The following TCF4 variants were observed in gnomAD, a reference collection of about 807,000 sequenced individuals.
The protein encoded by TCF4 is SL3-3 enhancer factor 2.
TCF4 carries 3 observed loss-of-function variants against 82.1 expected under a neutral mutation model. That is an observed-to-expected ratio of 0.04 (90% confidence interval 0.02 to 0.09). The LOEUF is 0.09. Among genes scored for constraint, TCF4 ranks in the 10% least tolerant of loss-of-function variants. The probability of loss-of-function intolerance (pLI) is 1.00; values close to 1 mark genes in which losing one functional copy is unlikely to be tolerated. For missense variants in TCF4, 518 were observed against 852.7 expected (o/e 0.61, Z 4.89); for synonymous variants, 276 against 309.6 (o/e 0.89, Z 1.14).
At chr18:55,235,083 G>A (rs1309830349) in intron 15 of TCF4, among the ~76,000 whole-genome samples, 4 of 151,924 alleles carry the variant, frequency 2.6e-5, no homozygotes, top group Non-Finnish European at 4.4e-5. Flanking sequence ...AATCCTACAG[G>A]AATTTCAATT....
At chr18:55,388,828 A>C (rs540476748) in intron 6 of TCF4, among the ~76,000 whole-genome samples, 20 of 152,332 alleles carry the variant, frequency 1.3e-4, no homozygotes, top group African/African-American at 4.8e-4. Context: ...TGGATTAAAA[A>C]TAATCCCAGC....
intron 5 of TCF4, among the ~76,000 whole-genome samples, chr18:55,410,406 C>G (rs1200957271): frequency 2.0e-5 from 3 of 152,012 alleles, no homozygotes; most frequent in Non-Finnish European, 2.9e-5. Flanking sequence ...CACTTCAGGG[C>G]TCTGCCTAAG....
intron 5 of TCF4, among the ~76,000 whole-genome samples, chr18:55,415,879 C>T (rs1278171366): frequency 6.6e-6 from 1 of 152,150 alleles, no homozygotes; most frequent in Non-Finnish European, 1.5e-5. Context: ...TTACACTTAG[C>T]AAAGTCTCTT....
At chr18:55,273,483 G>A (rs192763194) in intron 10 of TCF4, among the ~76,000 whole-genome samples, 1 of 152,146 alleles carries the variant, frequency 6.6e-6, no homozygotes, top group Admixed American at 6.5e-5. Flanking sequence ...TATATTCAAA[G>A]TATTGTCAGT....
chr18:55,269,071 A>G (rs1342485682), intron 11 of TCF4: 2 of 152,256 alleles, frequency 1.3e-5, no homozygotes, highest in Non-Finnish European at 2.9e-5. Context: ...AGCCCAGTTC[A>G]TTCCTCAAAG....
chr18:55,609,320 C>T (rs767664002), intron 2 of TCF4, among the ~76,000 whole-genome samples: 7 of 152,088 alleles, frequency 4.6e-5, no homozygotes, highest in East Asian at 1.9e-4. Flanking sequence ...AAGACTCATA[C>T]GGGGGGCAGG....
At chr18:55,309,358 G>A (rs981015650) in intron 8 of TCF4, among the ~76,000 whole-genome samples, 2 of 151,794 alleles carry the variant, frequency 1.3e-5, no homozygotes, top group African/African-American at 4.8e-5. Flanking sequence ...CTGGGCTTAG[G>A]CAATCCTCCC....
At chr18:55,624,692 A>G (rs980191348) in intron 2 of TCF4, among the ~76,000 whole-genome samples, 2 of 151,934 alleles carry the variant, frequency 1.3e-5, no homozygotes, top group African/African-American at 4.8e-5. Flanking sequence ...GCAAGTTTCT[A>G]CATTCTGAAA....
At chr18:55,486,627 AG>A (rs1247951965) in intron 3 of TCF4, among the ~76,000 whole-genome samples, 1 of 152,164 alleles carries the variant, frequency 6.6e-6, no homozygotes, top group East Asian at 1.9e-4. Context: ...AAAGAAGACA[AG>A]AAGGAAATCA....
chr18:55,406,952 C>T (rs1487951442), intron 5 of TCF4, among the ~76,000 whole-genome samples: 1 of 152,130 alleles, frequency 6.6e-6, no homozygotes, highest in Non-Finnish European at 1.5e-5. Flanking sequence ...TAAAACTACT[C>T]AAAAGAGGCA....
At chr18:55,631,373 G>A (rs779124963) in exon 2 of TCF4, 2 of 1,548,272 alleles carry the variant, frequency 1.3e-6, no homozygotes, top group South Asian at 2.4e-5. Context: ...TTAGATTGGT[G>A]TTTACAAAAC....
intron 5 of TCF4, among the ~76,000 whole-genome samples, chr18:55,439,934 G>A (rs909295004): frequency 6.6e-6 from 1 of 152,144 alleles, no homozygotes; most frequent in East Asian, 1.9e-4. Context: ...ATGTTGGCCA[G>A]GTTGGTCTCG....
intron 2 of TCF4, chr18:55,631,254 T>A (rs1224019698): frequency 1.2e-5 from 10 of 863,766 alleles, no homozygotes; most frequent in Non-Finnish European, 3.6e-6. Flanking sequence ...TTCATCATGT[T>A]GGCCAGGCTG....
chr18:55,401,118 C>T, intron 6 of TCF4: 1 of 1,288,826 alleles, frequency 7.8e-7, no homozygotes, highest in Non-Finnish European at 1.0e-6. Context: ...GACAGGGATT[C>T]AAATAACAAT....
chr18:55,574,677 G>C (rs1300961405), intron 3 of TCF4, among the ~76,000 whole-genome samples: 1 of 152,066 alleles, frequency 6.6e-6, no homozygotes, highest in Non-Finnish European at 1.5e-5. Context: ...TTGAATTACT[G>C]TAGAACTTTT....
intron 5 of TCF4, among the ~76,000 whole-genome samples, chr18:55,430,052 C>T (rs376590718): frequency 2.6e-5 from 4 of 152,102 alleles, no homozygotes; most frequent in African/African-American, 7.2e-5. Context: ...TTAAATGTTA[C>T]GTGGTATATT....
At chr18:55,322,444 A>AAC in intron 8 of TCF4, 5 of 1,008,186 alleles carry the variant, frequency 5.0e-6, no homozygotes, top group Non-Finnish European at 5.9e-6. Context: ...AAAAAAAAAA[A>AAC]AAAAAACACC....
chr18:55,259,892 G>A (rs759907465), intron 13 of TCF4, 57 bp downstream of exon 13: 113 of 1,433,708 alleles, frequency 7.9e-5, no homozygotes, highest in Non-Finnish European at 1.1e-4. Context: ...GGAAGTACAA[G>A]GGGGGAATCA....
chr18:55,332,968 A>G (rs903126175), intron 8 of TCF4, among the ~76,000 whole-genome samples: 1 of 152,244 alleles, frequency 6.6e-6, no homozygotes, highest in African/African-American at 2.4e-5. Flanking sequence ...AGATCTAAAT[A>G]CACAGAAGCC....
Sources: gnomAD v4.1 joint callset for allele counts (sites outside exome capture counted in the v4.1 genomes callset) on GRCh38, gnomAD v4.1.1 for gene constraint, MANE v1.5 for transcripts, NCBI Gene and HGNC (gene_info 2026-07-23, HGNC 2026-07-21) for gene names.